Variants in DGKB observed in about 807,000 individuals in gnomAD.
DGKB encodes the protein 90 kDa diacylglycerol kinase.
A neutral mutation model predicts 114.3 loss-of-function variants in DGKB; 67 were observed. The ratio of observed to expected loss-of-function variants is 0.59; its 90% CI spans 0.48 to 0.72. The LOEUF (loss-of-function observed/expected upper bound fraction) is 0.72, where lower values mean the gene tolerates loss of function less well. DGKB is among the 30% of genes least tolerant of loss of function. The pLI is 0.00. For synonymous variants in DGKB, 398 were observed against 323.1 expected (o/e 1.23, Z -2.49); for missense variants, 907 against 975.2 (o/e 0.93, Z 0.93).
chr7:14,545,734 T>C (rs73287771), intron 20 of DGKB, among the ~76,000 whole-genome samples: 183 of 152,328 alleles, frequency 1.2e-3, no homozygotes, highest in African/African-American at 4.1e-3. Flanking sequence ...GAACGTTTAT[T>C]TTTGTTAACT....
intron 6 of DGKB, among the ~76,000 whole-genome samples, chr7:14,704,279 CAAA>C (rs59838670): frequency 0.02 from 2,098 of 103,570 alleles, 56 homozygotes; most frequent in African/African-American, 0.068. Context: ...ACTAAAAATA[CAAA>C]AAAAAAAAAA....
At chr7:14,414,491 A>G (rs1201551327) in intron 21 of DGKB, among the ~76,000 whole-genome samples, 2 of 152,306 alleles carry the variant, frequency 1.3e-5, no homozygotes, top group East Asian at 1.9e-4. Context: ...GTCTGTGTCA[A>G]TAATAAAAGG....
chr7:14,362,131 C>T (rs1331761487), intron 21 of DGKB, among the ~76,000 whole-genome samples: 1 of 151,882 alleles, frequency 6.6e-6, no homozygotes, highest in African/African-American at 2.4e-5. Flanking sequence ...TCGTTTTGTA[C>T]CAATCAATAA....
chr7:14,773,965 G>T (rs1006909827), intron 2 of DGKB, among the ~76,000 whole-genome samples: 1 of 152,118 alleles, frequency 6.6e-6, no homozygotes, highest in Non-Finnish European at 1.5e-5. Flanking sequence ...CTGAGGGTGT[G>T]GCTTTTGCAA....
chr7:14,477,438 A>G (rs549723106), intron 21 of DGKB, among the ~76,000 whole-genome samples: 6 of 152,292 alleles, frequency 3.9e-5, no homozygotes, highest in Non-Finnish European at 5.9e-5. Context: ...AGCTGAATAG[A>G]GTGGAAATGA....
intron 4 of DGKB, among the ~76,000 whole-genome samples, chr7:14,747,936 A>G (rs1833592915): frequency 6.6e-6 from 1 of 152,236 alleles, no homozygotes; most frequent in African/African-American, 2.4e-5. Flanking sequence ...CCAAATTGGC[A>G]CAGATTCAAG....
At chr7:14,934,551 G>C (rs1785182270) in intron 1 of DGKB, among the ~76,000 whole-genome samples, 1 of 152,030 alleles carries the variant, frequency 6.6e-6, no homozygotes, top group Admixed American at 6.6e-5. Context: ...CTTCAAACTA[G>C]AGAAGAGACA....
At chr7:14,765,254 A>T (rs569573109) in intron 2 of DGKB, among the ~76,000 whole-genome samples, 1 of 152,110 alleles carries the variant, frequency 6.6e-6, no homozygotes, top group Non-Finnish European at 1.5e-5. Flanking sequence ...AAATCCTTTA[A>T]GCTGCTCTGA....
At chr7:14,542,730 G>T (rs941008128) in intron 20 of DGKB, among the ~76,000 whole-genome samples, 2 of 152,200 alleles carry the variant, frequency 1.3e-5, no homozygotes, top group African/African-American at 4.8e-5. Context: ...ATCTGCCTGA[G>T]ATTTTTAACC....
intron 16 of DGKB, among the ~76,000 whole-genome samples, chr7:14,611,844 A>AT (rs886231066): frequency 2.0e-5 from 3 of 151,358 alleles, no homozygotes; most frequent in Admixed American, 2.0e-4. Flanking sequence ...TGAAAATACT[A>AT]TTTTTTTTCT....
intron 20 of DGKB, among the ~76,000 whole-genome samples, chr7:14,497,996 T>G (rs1308720074): frequency 1.3e-5 from 2 of 151,956 alleles, no homozygotes; most frequent in African/African-American, 4.8e-5. Flanking sequence ...ATTTAATATA[T>G]TCTTATTTAT....
intron 20 of DGKB, among the ~76,000 whole-genome samples, chr7:14,510,836 C>T (rs1183828532): frequency 6.6e-6 from 1 of 152,192 alleles, no homozygotes; most frequent in Non-Finnish European, 1.5e-5. Context: ...GGCATAAAAA[C>T]ATTAATCTCC....
At chr7:14,903,689 A>G (rs1783474796), upstream of DGKB, among the ~76,000 whole-genome samples, 1 of 152,114 alleles carries the variant, frequency 6.6e-6, no homozygotes, top group South Asian at 2.1e-4. Flanking sequence ...GCAGTTAAAT[A>G]TTGGGAGAAA....
At chr7:14,325,320 G>T (rs1808530200) in intron 23 of DGKB, among the ~76,000 whole-genome samples, 1 of 152,112 alleles carries the variant, frequency 6.6e-6, no homozygotes, top group Non-Finnish European at 1.5e-5. Context: ...GGTTCCGAGG[G>T]AATCAGTGCT....
chr7:14,751,422 C>T (rs1157091397), intron 4 of DGKB, among the ~76,000 whole-genome samples: 10 of 152,062 alleles, frequency 6.6e-5, no homozygotes, highest in Non-Finnish European at 1.5e-4. Context: ...TGCTTGATTT[C>T]AAAACTTGTT....
chr7:14,146,734 T>G lies in DGKB; in HGVS notation c.*2397A>C, dbSNP rs952804710. The G allele has an allele frequency of 1.3e-5, 2 of 152,240 alleles. No individual in the cohort carries two copies. The highest frequency in any genetic ancestry group is 4.8e-5 in the African/African-American group (2 of 41,562). 9.4% of individuals were successfully genotyped at this position (152,240 alleles called of 1,614,324 possible). Reference sequence around the variant, plus strand: ...TGAGAAAAGTCAAATTGGATTCCTATTTGAACATTTATTATGGGTACCAAA... The same window carrying G: ...TGAGAAAAGTCAAATTGGATTCCTAGTTGAACATTTATTATGGGTACCAAA... On this transcript the variant is annotated 3_prime_UTR_variant, in exon 26 of 26. Coordinates refer to ENST00000402815, the MANE Select transcript of DGKB (RefSeq NM_001350709.2).
intron 20 of DGKB, among the ~76,000 whole-genome samples, chr7:14,551,194 C>G (rs1223687397): frequency 6.6e-6 from 1 of 152,132 alleles, no homozygotes; most frequent in East Asian, 1.9e-4. Context: ...ATGCAAATAT[C>G]TATTTGATAG....
At chr7:14,359,977 G>T (rs1815373894) in intron 21 of DGKB, among the ~76,000 whole-genome samples, 1 of 151,906 alleles carries the variant, frequency 6.6e-6, no homozygotes, top group South Asian at 2.1e-4. Context: ...TATACCCAAA[G>T]GATTATAAAT....
Position 14,919,095 on chromosome 7 carries a change from A to ACAAACACACACAC in DGKB, c.-188+55600_-188+55601insGTGTGTGTGTTTG, listed in dbSNP as rs1554345122. On this transcript the variant is annotated intron_variant, in intron 1 of 4. Transcript: ENST00000437998. ...ACACACACACACACACACACACACA[A>ACAAACACACACAC]ACACACACACACACACACACACACA... Among the ~76,000 whole-genome samples, 352 of 114,942 alleles carry ACAAACACACACAC rather than the reference A, an allele frequency of 3.1e-3. 3 individuals carry two copies. Among genetic ancestry groups the ACAAACACACACAC allele is most frequent in the African/African-American group, 7.8e-3 (216 of 27,756 alleles). The allele number at this position is 114,942 out of a possible 152,430, so 75.4% of individuals were successfully genotyped here. A position where few individuals can be genotyped will look rare whatever the true frequency, so the allele number is the denominator to read the frequency against.
Sources: allele counts gnomAD v4.1 joint callset (sites outside exome capture counted in the v4.1 genomes callset), GRCh38; gene constraint gnomAD v4.1.1; transcripts MANE v1.5; gene names NCBI Gene and HGNC (gene_info 2026-07-23, HGNC 2026-07-21).